The following PCGF2 variants were observed in gnomAD, a reference collection of about 807,000 sequenced individuals.
The protein encoded by PCGF2 is polycomb group ring finger 2, also known as polycomb group RING finger protein 2.
PCGF2 carries 8 observed loss-of-function variants against 36.1 expected under a neutral mutation model. The ratio of observed to expected loss-of-function variants is 0.22; its 90% confidence interval spans 0.13 to 0.40. The LOEUF is 0.40. Among genes scored for constraint, PCGF2 ranks in the 10% least tolerant of loss-of-function variants. PCGF2 has a pLI of 1.00. For missense variants in PCGF2, 436 were observed against 475.9 expected (o/e 0.92, Z 0.78); for synonymous variants, 198 against 191.2 (o/e 1.04, Z -0.29).
intron 2 of PCGF2, among the ~76,000 whole-genome samples, chr17:38,745,888 T>C (rs1180676846): frequency 6.6e-6 from 1 of 152,070 alleles, no homozygotes; most frequent in South Asian, 2.1e-4. Flanking sequence ...TTCCTACACA[T>C]AGGGAAACAG....
chr17:38,740,576 G>C lies in PCGF2; in HGVS notation c.-40-134C>G, dbSNP rs868801741. The C allele has an allele frequency of 1.1e-4, 67 of 597,510 alleles. No homozygotes were observed. The Middle Eastern group carries it at 1.8e-3, about 16-fold the overall frequency. The allele number at this position is 597,510 out of a possible 1,614,324, so 37.0% of individuals were successfully genotyped here. A position where few individuals can be genotyped will look rare whatever the true frequency, so the allele number is the denominator to read the frequency against. On this transcript the variant is annotated intron_variant, in intron 2 of 10. Coordinates refer to ENST00000620225, the MANE Select transcript of PCGF2 (RefSeq NM_007144.3). The stretch of plus-strand genomic sequence containing the variant: ...AGATTGAGACCATCTTGACTAACAT[G>C]GTGAAACCCCATCTCTACTAAAAAT...
In PCGF2 at chr17:38,740,437, G is replaced by T; in HGVS notation, c.-35C>A. 3 of 1,530,286 alleles carry T rather than the reference G, an allele frequency of 2.0e-6. No homozygotes were observed. Among genetic ancestry groups the T allele is most frequent in the Non-Finnish European group, 2.7e-6 (3 of 1,122,352 alleles). 94.8% of individuals were successfully genotyped at this position (1,530,286 alleles called of 1,614,324 possible). On this transcript the variant is annotated 5_prime_UTR_variant, in exon 3 of 11. Transcript: ENST00000620225. ...GTCGGGGGTGGGGGGACTGGGGAGC[G>T]TTGCCCTGGGAAACGGAAGTGGAAT...
intron 10 of PCGF2, 102 bp from the exon 11 acceptor site, chr17:38,735,702 G>GAAAA: frequency 3.6e-6 from 5 of 1,399,650 alleles, no homozygotes; most frequent in Non-Finnish European, 4.7e-6. Context: ...GTCCAAACTC[G>GAAAA]AAAAAAGGGA....
Position 38,735,309 on chromosome 17 carries a change from T to C in PCGF2, c.949A>G (p.Ser317Gly). 6.5e-7 allele frequency: 1 copy of C among 1,527,624 alleles called. No individual in the cohort carries two copies. Among genetic ancestry groups the C allele is most frequent in the Non-Finnish European group, 8.8e-7 (1 of 1,130,724 alleles). 94.6% of individuals were successfully genotyped at this position (1,527,624 alleles called of 1,614,324 possible). A position where few individuals can be genotyped will look rare whatever the true frequency, so the allele number is the denominator to read the frequency against. The change falls in exon 11 of 11, where the codon AGC becomes GGC. Residue 317 changes from serine (S) to glycine (G), a missense_variant. Coordinates refer to ENST00000620225, the MANE Select transcript of PCGF2 (RefSeq NM_007144.3). Reference protein sequence around the residue: ...SGATTAANGGSLNCLQTPSST... With the variant: ...SGATTAANGGGLNCLQTPSST... ...GATGGTGTCTGCAGGCAGTTCAAGC[T>C]ACCCCCGTTGGCAGCTGTGGTGGCC...
chr17:38,736,125 G>T lies in PCGF2; in HGVS notation c.622C>A (p.Leu208Ile). ...EDEPLKEYYT[L>I]MDIAYIYPWR... ...GGGTAGATGTAGGCGATGTCCATGA[G>T]GGTGTAGTATTCCTTCAGTGGCTCG... Residue 208 changes from leucine to isoleucine, a missense_variant, in exon 10 of 11, where the codon CTC (leucine) becomes ATC (isoleucine). Transcript: ENST00000620225. 1 of 1,587,600 alleles carries T rather than the reference G, an allele frequency of 6.3e-7. No individual in the cohort carries two copies. Among genetic ancestry groups the T allele is most frequent in the East Asian group, 2.3e-5 (1 of 44,018 alleles).
chr17:38,738,015 A>G (rs1274558379), intron 9 of PCGF2, among the ~76,000 whole-genome samples: 1 of 152,120 alleles, frequency 6.6e-6, no homozygotes, highest in Non-Finnish European at 1.5e-5. Context: ...TTGAAAAGCT[A>G]TGTCCTGGAG....
At chr17:38,744,262 C>A (rs967731651) in intron 2 of PCGF2, among the ~76,000 whole-genome samples, 10 of 152,234 alleles carry the variant, frequency 6.6e-5, no homozygotes, top group Non-Finnish European at 4.4e-5. Context: ...AGCATCCAAC[C>A]CCGACCCCTC....
At chr17:38,747,723 C>A (rs1760871037) in intron 2 of PCGF2, among the ~76,000 whole-genome samples, 156 bp downstream of exon 2, 1 of 152,160 alleles carries the variant, frequency 6.6e-6, no homozygotes, top group African/African-American at 2.4e-5. Context: ...GCGTCCACGG[C>A]GCCCCTGTGC....
rs1193293370 is a variant in PCGF2, at chr17:38,734,398, G to A, written c.*825C>T. On this transcript the variant is annotated 3_prime_UTR_variant, in exon 11 of 11. Coordinates refer to ENST00000620225, the MANE Select transcript of PCGF2 (RefSeq NM_007144.3). ...GTCCTGCTAGTGAGGGTTCCCCGGT[G>A]AGGGTAAGGTTGGTGGGGGTGCAGC... The A allele has an allele frequency of 5.2e-5, 8 of 152,672 alleles. No individual in the cohort carries two copies. In the East Asian group the frequency reaches 1.5e-3, roughly 29 times the overall value. 9.5% of individuals were successfully genotyped at this position (152,672 alleles called of 1,614,324 possible). A position where few individuals can be genotyped will look rare whatever the true frequency, so the allele number is the denominator to read the frequency against.
intron 9 of PCGF2, among the ~76,000 whole-genome samples, chr17:38,736,413 G>A (rs1427675998): frequency 6.6e-6 from 1 of 152,212 alleles, no homozygotes; most frequent in African/African-American, 2.4e-5. Context: ...GTCCCACCAT[G>A]CACACAGCTG....
intron 2 of PCGF2, among the ~76,000 whole-genome samples, chr17:38,741,417 A>G (rs1277279621): frequency 6.6e-6 from 1 of 152,134 alleles, no homozygotes; most frequent in African/African-American, 2.4e-5. Flanking sequence ...GGGAAAAATA[A>G]GTTATCCTTA....
At chr17:38,747,326 G>A (rs1272478224) in intron 2 of PCGF2, among the ~76,000 whole-genome samples, 2 of 152,272 alleles carry the variant, frequency 1.3e-5, no homozygotes, top group Non-Finnish European at 2.9e-5. Context: ...GGGCGTCCCA[G>A]GGGAAGGGGG....
intron 2 of PCGF2, among the ~76,000 whole-genome samples, chr17:38,746,186 C>T (rs918497407): frequency 1.3e-5 from 2 of 152,068 alleles, no homozygotes; most frequent in African/African-American, 4.8e-5. Flanking sequence ...TCTCAACTCC[C>T]TAAGATCAAA....
intron 3 of PCGF2, among the ~76,000 whole-genome samples, chr17:38,740,026 C>T (rs1383515018): frequency 1.3e-5 from 2 of 152,218 alleles, no homozygotes; most frequent in Admixed American, 6.5e-5. Context: ...GGGGTGTCCG[C>T]GTCTTCAGGG....
chr17:38,735,339 T>C lies in PCGF2; in HGVS notation c.919A>G (p.Ser307Gly), dbSNP rs781613328. ...PTSPTPPSTA[S>G]GATTAANGGS... is the part of the protein sequence containing the mutation. ...CCGTTGGCAGCTGTGGTGGCCCCAC[T>C]GGCTGTCGAAGGGGGAGTGGGGGAG... The change falls in exon 11 of 11, where the codon AGT becomes GGT. Residue 307 changes from serine (S) to glycine (G), a missense_variant. Ser to Gly is a moderately conservative substitution (Grantham distance 56). This residue lies in a region of PCGF2 where 227 missense variants were observed against 212.9 expected (regional missense o/e 1.07). Transcript: ENST00000620225. 1.3e-6 allele frequency: 2 copies of C among 1,552,254 alleles called. No individual in the cohort carries two copies. Among genetic ancestry groups the C allele is most frequent in the Admixed American group, 3.7e-5 (2 of 53,382 alleles).
rs1907048444 is a variant in PCGF2, at chr17:38,739,730, C to A, written c.113-48G>T. Reference sequence around the variant, plus strand: ...GGAGAGTCAGAGCCAACTTCCAACTCCAGGACCAGCCTCCCCGCCCTCTGC... The same window carrying A: ...GGAGAGTCAGAGCCAACTTCCAACTACAGGACCAGCCTCCCCGCCCTCTGC... On this transcript the variant is annotated intron_variant, in intron 3 of 10. Transcript: ENST00000620225. The surrounding 1 kb of genome is among the most constrained non-coding windows in gnomAD (Gnocchi z 4.0). 2 of 1,337,016 alleles carry A rather than the reference C, an allele frequency of 1.5e-6. No individual in the cohort carries two copies. Among genetic ancestry groups the A allele is most frequent in the Non-Finnish European group, 2.2e-6 (2 of 927,318 alleles). The allele number at this position is 1,337,016 out of a possible 1,614,324, so 82.8% of individuals were successfully genotyped here. A position where few individuals can be genotyped will look rare whatever the true frequency, so the allele number is the denominator to read the frequency against.
Position 38,736,137 on chromosome 17 carries a change from C to T in PCGF2, c.610G>A (p.Glu204Lys). 1 of 1,587,860 alleles carries T rather than the reference C, an allele frequency of 6.3e-7. No homozygotes were observed. Among genetic ancestry groups the T allele is most frequent in the Non-Finnish European group, 8.6e-7 (1 of 1,166,638 alleles). The change falls in exon 10 of 11, where the codon GAA (glutamate) becomes AAA (lysine). Residue 204 changes from glutamate (E) to lysine (K), a missense_variant. This residue lies in a region of PCGF2 where 227 missense variants were observed against 212.9 expected (regional missense o/e 1.07). Coordinates refer to ENST00000620225, the MANE Select transcript of PCGF2 (RefSeq NM_007144.3). ...EVLYEDEPLK[E>K]YYTLMDIAYI... ...GCGATGTCCATGAGGGTGTAGTATT[C>T]CTTCAGTGGCTCGTCCTCGTACAGA...
intron 2 of PCGF2, among the ~76,000 whole-genome samples, chr17:38,744,109 C>T (rs1046583044): frequency 5.9e-5 from 9 of 152,106 alleles, no homozygotes; most frequent in African/African-American, 9.7e-5. Context: ...CACTTTTCCC[C>T]AAGCAGAAGC....
chr17:38,734,959 A>T lies in PCGF2; in HGVS notation c.*264T>A. 1 of 298,646 alleles carries T rather than the reference A, an allele frequency of 3.3e-6. No homozygotes were observed. Among genetic ancestry groups the T allele is most frequent in the African/African-American group, 2.1e-5 (1 of 46,548 alleles). 18.5% of individuals were successfully genotyped at this position (298,646 alleles called of 1,614,324 possible). On this transcript the variant is annotated 3_prime_UTR_variant, in exon 11 of 11. Transcript: ENST00000620225. ...AAATTACACAAGACCCCCCCCAAAAAAAATGAACACCATTTTCCACACATA... is the reference window on the plus strand; with the variant it reads ...AAATTACACAAGACCCCCCCCAAAATAAATGAACACCATTTTCCACACATA...
Sources: gnomAD v4.1 joint callset for allele counts (sites outside exome capture counted in the v4.1 genomes callset) on GRCh38, gnomAD v4.1.1 for gene constraint, gnomAD v4.1.1 regional missense constraint, Gnocchi (gnomAD v3.1) non-coding constraint, MANE v1.5 for transcripts, NCBI Gene and HGNC (gene_info 2026-07-23, HGNC 2026-07-21) for gene names.